Variants in PTPRD observed in about 807,000 individuals in gnomAD.
PTPRD encodes the protein receptor-type tyrosine-protein phosphatase delta.
PTPRD carries 34 observed loss-of-function variants against 214.5 expected under a neutral mutation model. The observed-to-expected ratio is 0.16, with a 90% CI of 0.12 to 0.21. The LOEUF (loss-of-function observed/expected upper bound fraction) is 0.21, where lower values mean the gene tolerates loss of function less well. Among genes scored for constraint, PTPRD ranks in the 10% least tolerant of loss-of-function variants. The probability of loss-of-function intolerance (pLI) is 1.00; values close to 1 mark genes in which losing one functional copy is unlikely to be tolerated. For synonymous variants in PTPRD, 1,128 were observed against 845.7 expected (o/e 1.33, Z -5.79); for missense variants, 2,545 against 2,398.7 (o/e 1.06, Z -1.27).
intron 11 of PTPRD, among the ~76,000 whole-genome samples, chr9:9,001,597 G>C (rs1483208780): frequency 6.6e-6 from 1 of 151,944 alleles, no homozygotes; most frequent in Non-Finnish European, 1.5e-5. Flanking sequence ...AGAGAAGTTG[G>C]TGGAACTCAG....
chr9:8,821,300 T>C (rs2097057753), intron 11 of PTPRD, among the ~76,000 whole-genome samples: 1 of 152,084 alleles, frequency 6.6e-6, no homozygotes, highest in South Asian at 2.1e-4. Flanking sequence ...TCTCTCTCTC[T>C]CTCTCACATG....
At chr9:9,136,814 A>G (rs914075688) in intron 10 of PTPRD, among the ~76,000 whole-genome samples, 4 of 152,170 alleles carry the variant, frequency 2.6e-5, no homozygotes, top group African/African-American at 9.7e-5. Flanking sequence ...AGAAAATGGA[A>G]CTATGGAAGA....
chr9:9,078,362 A>C (rs2099754109), intron 10 of PTPRD, among the ~76,000 whole-genome samples: 1 of 152,074 alleles, frequency 6.6e-6, no homozygotes, highest in Admixed American at 6.6e-5. Flanking sequence ...TCAAAAACAA[A>C]ATTACAACAT....
At position 9,370,451 on chromosome 9, in the gene PTPRD, A is replaced by G. The variant is rs1168703109; in HGVS notation, c.-203+26998T>C. ...GTATAAGAAGGCTTGTGATTTTTGC[A>G]CATTGATTTTGTATGCTGAGACTTT... On this transcript the variant is annotated intron_variant, in intron 9 of 45. Transcript: ENST00000381196. Among the ~76,000 whole-genome samples, 12 of 151,230 alleles carry G rather than the reference A, an allele frequency of 7.9e-5. No homozygotes were observed. The East Asian group carries it at 2.1e-3, about 27-fold the overall frequency.
At chr9:9,491,916 T>A (rs1299630690) in intron 8 of PTPRD, among the ~76,000 whole-genome samples, 1 of 151,872 alleles carries the variant, frequency 6.6e-6, no homozygotes, top group Non-Finnish European at 1.5e-5. Flanking sequence ...ATGAAATAGA[T>A]AATAGAAAAA....
chr9:10,150,005 A>T (rs1340151746), intron 3 of PTPRD, among the ~76,000 whole-genome samples: 1 of 152,194 alleles, frequency 6.6e-6, no homozygotes, highest in Admixed American at 6.5e-5. Context: ...CTGGGATTAC[A>T]GGCATGAGCC....
intron 9 of PTPRD, among the ~76,000 whole-genome samples, chr9:9,324,988 G>T (rs1343472366): frequency 6.6e-6 from 1 of 152,174 alleles, no homozygotes; most frequent in Non-Finnish European, 1.5e-5. Flanking sequence ...GTTTGTTAAA[G>T]ATCAGATGGT....
chr9:10,391,080 T>A (rs116229736), intron 2 of PTPRD, among the ~76,000 whole-genome samples: 1 of 151,762 alleles, frequency 6.6e-6, no homozygotes, highest in East Asian at 2.0e-4. Flanking sequence ...CATTACAGTA[T>A]TGGGGATTGT....
intron 30 of PTPRD, among the ~76,000 whole-genome samples, chr9:8,480,389 C>G (rs1190517333): frequency 1.3e-5 from 2 of 152,170 alleles, no homozygotes; most frequent in African/African-American, 2.4e-5. Flanking sequence ...GAGTTAGGAG[C>G]CTCGTCTACA....
At chr9:10,216,009 A>G (rs2099539435) in intron 3 of PTPRD, among the ~76,000 whole-genome samples, 1 of 152,048 alleles carries the variant, frequency 6.6e-6, no homozygotes, top group African/African-American at 2.4e-5. Context: ...TTTCTAAGGA[A>G]AAGTGAGAGC....
At chr9:10,302,851 T>C (rs988408064) in intron 3 of PTPRD, among the ~76,000 whole-genome samples, 1 of 151,886 alleles carries the variant, frequency 6.6e-6, no homozygotes, top group African/African-American at 2.4e-5. Context: ...ATTAGACAGA[T>C]CAAGACAGAA....
intron 23 of PTPRD, among the ~76,000 whole-genome samples, chr9:8,504,033 T>TA (rs1226527471): frequency 2.6e-5 from 4 of 152,184 alleles, no homozygotes; most frequent in Admixed American, 2.6e-4. Flanking sequence ...CTACCTTCTT[T>TA]AAAAGTCTTT....
chr9:10,221,074 A>G (rs770593741), intron 3 of PTPRD, among the ~76,000 whole-genome samples: 8 of 152,044 alleles, frequency 5.3e-5, no homozygotes, highest in Non-Finnish European at 8.8e-5. Flanking sequence ...TCCTCCATAC[A>G]GTTTCAAGCC....
At chr9:9,580,359 C>T (rs1210822632) in intron 7 of PTPRD, among the ~76,000 whole-genome samples, 2 of 151,844 alleles carry the variant, frequency 1.3e-5, no homozygotes, top group East Asian at 3.9e-4. Flanking sequence ...TCTTTGTGTT[C>T]TTGCCAACAC....
chr9:10,550,872 A>G (rs2131078501), intron 2 of PTPRD, among the ~76,000 whole-genome samples: 1 of 152,282 alleles, frequency 6.6e-6, no homozygotes, highest in South Asian at 2.1e-4. Flanking sequence ...ATGTTATTCC[A>G]CACATCATTA....
intron 10 of PTPRD, among the ~76,000 whole-genome samples, chr9:9,061,491 G>A (rs541570131): frequency 2.8e-4 from 42 of 152,186 alleles, no homozygotes; most frequent in Non-Finnish European, 5.3e-4. Context: ...AGTTACTGTA[G>A]CTGCCTTCCT....
chr9:9,923,902 CT>C (rs2083390362), intron 5 of PTPRD, among the ~76,000 whole-genome samples: 1 of 151,804 alleles, frequency 6.6e-6, no homozygotes, highest in African/African-American at 2.4e-5. Context: ...GACAGGGAGT[CT>C]TAGAGAGCAA....
intron 39 of PTPRD, among the ~76,000 whole-genome samples, chr9:8,360,210 C>CAT (rs2078129234): frequency 6.6e-6 from 1 of 152,066 alleles, no homozygotes; most frequent in African/African-American, 2.4e-5. Flanking sequence ...AATAAAGTAC[C>CAT]ATTGAATTAG....
intron 2 of PTPRD, among the ~76,000 whole-genome samples, chr9:10,567,915 G>GTTTTATTTTTTATTT (rs1049482918): frequency 6.6e-6 from 1 of 150,460 alleles, no homozygotes; most frequent in African/African-American, 2.4e-5. Context: ...ATATATCATT[G>GTTTTATTTTTTATTT]TTTTATTTTT....
Sources: gnomAD v4.1 joint callset for allele counts (sites outside exome capture counted in the v4.1 genomes callset) on GRCh38, gnomAD v4.1.1 for gene constraint, MANE v1.5 for transcripts, NCBI Gene and HGNC (gene_info 2026-07-23, HGNC 2026-07-21) for gene names.